DENND1B: variants seen among roughly 807,000 people sequenced by gnomAD.
DENND1B encodes the protein DENN domain containing 1B.
In DENND1B, 59 loss-of-function variants were observed where a neutral mutation model predicts 90.1. The observed-to-expected ratio is 0.65, with a 90% CI of 0.53 to 0.81. The LOEUF is 0.81. Among genes scored for constraint, DENND1B ranks in the 40% least tolerant of loss-of-function variants. DENND1B has a pLI of 0.00. For synonymous variants in DENND1B, 337 were observed against 324.6 expected, an observed-to-expected ratio of 1.04 and a Z score of -0.41; for missense variants, 862 against 912.6, an observed-to-expected ratio of 0.94 and a Z score of 0.71.
rs1677786706 is a variant in DENND1B at position 197,617,752 on chromosome 1, G to T, written c.680C>A (p.Ala227Asp). The T allele has an allele frequency of 1.9e-6, 3 of 1,605,994 alleles. No individual in the cohort carries two copies. Among genetic ancestry groups the T allele is most frequent in the Non-Finnish European group, 2.6e-6 (3 of 1,174,420 alleles). The change falls in exon 11 of 23, where the codon GCC becomes GAC. Residue 227 changes from alanine to aspartate, a missense_variant. Transcript: ENST00000620048. ...AAGAGCAGCTGATCCATGGATACAG[G>T]CAGTTAACTGAAATTTGTAAAAGGA... Reference protein sequence around the residue: ...IISSKLSTLTACIHGSAALLY... With the variant: ...IISSKLSTLTDCIHGSAALLY...
intron 10 of DENND1B, among the ~76,000 whole-genome samples, chr1:197,636,555 C>A (rs1179170824): frequency 6.6e-6 from 1 of 152,144 alleles, no homozygotes; most frequent in African/African-American, 2.4e-5. Context: ...TCCACATTTT[C>A]ATCTGTCTAC....
At chr1:197,536,156 G>GAT (rs573178312) in intron 20 of DENND1B, among the ~76,000 whole-genome samples, 483 of 48,400 alleles carry the variant, frequency 1.0e-2, no homozygotes, top group Non-Finnish European at 0.022. Context: ...GAGAGAGAGA[G>GAT]AGATAGATGA....
chr1:197,556,322 A>T (rs1671713914), intron 15 of DENND1B, among the ~76,000 whole-genome samples: 1 of 152,052 alleles, frequency 6.6e-6, no homozygotes, highest in African/African-American at 2.4e-5. Context: ...ATACCCATGT[A>T]CCAAACCTAC....
At chr1:197,624,758 A>C (rs1040309453) in intron 10 of DENND1B, among the ~76,000 whole-genome samples, 1 of 151,870 alleles carries the variant, frequency 6.6e-6, no homozygotes. Context: ...CAAAGAAGTT[A>C]AAAACTTTGA....
chr1:197,729,180 ATCTTATTTGTG>A (rs1173096763), intron 2 of DENND1B, among the ~76,000 whole-genome samples: 1 of 152,098 alleles, frequency 6.6e-6, no homozygotes, highest in Admixed American at 6.6e-5. Context: ...CTACCAAACC[ATCTTATTTGTG>A]TCTCCTCATT....
chr1:197,744,077 C>T (rs1346809478), intron 2 of DENND1B, among the ~76,000 whole-genome samples: 2 of 152,240 alleles, frequency 1.3e-5, no homozygotes, highest in Non-Finnish European at 2.9e-5. Context: ...ATATCCACCA[C>T]ATCTGTGTTA....
At chr1:197,586,675 T>C (rs1372025145) in intron 14 of DENND1B, among the ~76,000 whole-genome samples, 1 of 152,218 alleles carries the variant, frequency 6.6e-6, no homozygotes, top group African/African-American at 2.4e-5. Context: ...GTATTCCTAC[T>C]GGAGCCTGAG....
chr1:197,722,486 A>G (rs1197579904), intron 2 of DENND1B, among the ~76,000 whole-genome samples: 2 of 152,158 alleles, frequency 1.3e-5, no homozygotes, highest in Non-Finnish European at 2.9e-5. Context: ...CCACAAGTCT[A>G]AAAGTTTCTT....
intron 11 of DENND1B, among the ~76,000 whole-genome samples, chr1:197,614,412 A>ATC (rs2125855040): frequency 6.6e-6 from 1 of 151,110 alleles, no homozygotes; most frequent in Admixed American, 6.6e-5. Context: ...CTAATATGAA[A>ATC]TCACCCAAAT....
chr1:197,667,645 C>T lies in DENND1B; in HGVS notation c.296+4392G>A, dbSNP rs138585949. 9.2e-3 allele frequency among the ~76,000 whole-genome samples: 1,400 copies of T among 152,080 alleles called. 19 individuals carry two copies. The highest frequency in any genetic ancestry group is 0.029 in the African/African-American group (1,187 of 41,494). The stretch of plus-strand genomic sequence containing the variant: ...GGGTTTCTTGACCTCGTAATCCGCC[C>T]GCCTCGGCCTCCCAAAGCACTCGGA... On this transcript the variant is annotated intron_variant, in intron 5 of 22. Coordinates refer to ENST00000620048, the MANE Select transcript of DENND1B (RefSeq NM_001195215.2).
chr1:197,599,658 A>G (rs1005871942), intron 13 of DENND1B, among the ~76,000 whole-genome samples: 8 of 151,872 alleles, frequency 5.3e-5, no homozygotes, highest in African/African-American at 1.9e-4. Context: ...TAACCTTTCT[A>G]AAGTTCAGTT....
intron 10 of DENND1B, among the ~76,000 whole-genome samples, chr1:197,629,499 G>A (rs1400956521): frequency 4.8e-5 from 7 of 144,810 alleles, no homozygotes; most frequent in Admixed American, 7.0e-5. Context: ...GACACAGGAA[G>A]GGGAACATCA....
intron 2 of DENND1B, among the ~76,000 whole-genome samples, chr1:197,724,322 C>A (rs1021179523): frequency 1.3e-5 from 2 of 152,022 alleles, no homozygotes; most frequent in Non-Finnish European, 2.9e-5. Context: ...TTAAACCATG[C>A]ATGACCTTTC....
rs1228245208 is a variant in DENND1B, at chr1:197,767,665, G to T, written c.82+5203C>A. 3.9e-5 allele frequency among the ~76,000 whole-genome samples: 6 copies of T among 152,154 alleles called. No individual in the cohort carries two copies. The East Asian group carries it at 1.2e-3, about 29-fold the overall frequency. On this transcript the variant is annotated intron_variant, in intron 2 of 22. Coordinates refer to ENST00000620048, the MANE Select transcript of DENND1B (RefSeq NM_001195215.2). ...AAATAGCCAGAACTATTAGATCAAA[G>T]ATTCACTAAATATGAAGATGCAAAT... is the stretch of plus-strand genomic sequence containing the variant.
At chr1:197,671,961 A>C (rs531981710) in intron 5 of DENND1B, 76 bp downstream of exon 5, 1 of 1,376,386 alleles carries the variant, frequency 7.3e-7, no homozygotes. Context: ...GTTTTTCTTC[A>C]TCCCAAGCAT....
chr1:197,601,970 A>G (rs1484500400), intron 13 of DENND1B, among the ~76,000 whole-genome samples: 1 of 151,682 alleles, frequency 6.6e-6, no homozygotes, highest in Non-Finnish European at 1.5e-5. Context: ...TATATCTCTG[A>G]TAATAACTAT....
chr1:197,734,859 A>T (rs575394092), intron 2 of DENND1B: 2 of 985,134 alleles, frequency 2.0e-6, no homozygotes, highest in African/African-American at 3.5e-5. Context: ...TAAGGGGGAA[A>T]ATAATCAATG....
At chr1:197,746,809 A>T in intron 2 of DENND1B, 1 of 1,607,722 alleles carries the variant, frequency 6.2e-7, no homozygotes, top group Non-Finnish European at 8.5e-7. Context: ...ACCCCCATGC[A>T]AGTTTCTTCT....
intron 15 of DENND1B, among the ~76,000 whole-genome samples, chr1:197,575,336 C>A (rs1673573668): frequency 6.6e-6 from 1 of 152,236 alleles, no homozygotes; most frequent in Non-Finnish European, 1.5e-5. Context: ...AAAAAAGGGT[C>A]ATCATCACTG....
Sources: gnomAD v4.1 joint callset for allele counts (sites outside exome capture counted in the v4.1 genomes callset) on GRCh38, gnomAD v4.1.1 for gene constraint, MANE v1.5 for transcripts, NCBI Gene and HGNC (gene_info 2026-07-23, HGNC 2026-07-21) for gene names.